BRF1: variants seen among roughly 807,000 people sequenced by gnomAD.
BRF1 encodes transcription factor IIIB 90 kDa subunit.
Under a neutral mutation model 81.7 loss-of-function variants are expected in BRF1, and 59 were observed. That is an observed-to-expected ratio of 0.72 (90% CI 0.59 to 0.90). The LOEUF is 0.90. BRF1 is among the 40% of genes least tolerant of loss of function. The pLI, the probability that BRF1 is intolerant of heterozygous loss-of-function variation, is 0.00. For synonymous variants in BRF1, 491 were observed against 395.6 expected, an observed-to-expected ratio of 1.24 and a Z score of -2.86; for missense variants, 1,050 against 936.3, an observed-to-expected ratio of 1.12 and a Z score of -1.58.
chr14:105,247,208 T>C (rs1368488624), intron 5 of BRF1: 12 of 985,350 alleles, frequency 1.2e-5, no homozygotes, highest in Non-Finnish European at 1.4e-5. Flanking sequence ...ATCCACACAC[T>C]TTCTCTCGGA....
Position 105,210,670 on chromosome 14 carries a change from GC to G in BRF1, c.1997-83del. On this transcript the variant is annotated intron_variant, in intron 17 of 17. Coordinates refer to ENST00000547530, the MANE Select transcript of BRF1 (RefSeq NM_001519.4). The surrounding 1 kb of genome is among the most constrained non-coding windows in gnomAD (Gnocchi z 4.7). The stretch of plus-strand genomic sequence containing the variant: ...CCCCCCAACCCGCCCTGTTCCTGGT[GC>G]CCCCCTAGAAGACTCAGGCTCCAGC... 1.3e-6 allele frequency: 2 copies of G among 1,489,746 alleles called. No homozygotes were observed. The highest frequency in any genetic ancestry group is 9.1e-7 in the Non-Finnish European group (1 of 1,094,794). 92.3% of individuals were successfully genotyped at this position (1,489,746 alleles called of 1,614,324 possible).
At chr14:105,296,970 C>T (rs1378407103) in intron 1 of BRF1, among the ~76,000 whole-genome samples, 1 of 151,766 alleles carries the variant, frequency 6.6e-6, no homozygotes, top group Non-Finnish European at 1.5e-5. Flanking sequence ...CCAGCCTGGC[C>T]AACATGGTGA....
At chr14:105,268,683 G>A (rs182361973) in intron 3 of BRF1, among the ~76,000 whole-genome samples, 4 of 152,324 alleles carry the variant, frequency 2.6e-5, no homozygotes, top group Non-Finnish European at 5.9e-5. Flanking sequence ...TGGACGATAC[G>A]ATAGGAGGAT....
intron 2 of BRF1, among the ~76,000 whole-genome samples, chr14:105,279,737 C>T (rs772806038): frequency 2.6e-5 from 4 of 152,172 alleles, no homozygotes; most frequent in South Asian, 4.1e-4. Flanking sequence ...CTGTGTCCAC[C>T]GAAGGACCAG....
At chr14:105,225,394 G>A (rs1479011997) in intron 10 of BRF1, among the ~76,000 whole-genome samples, 1 of 152,170 alleles carries the variant, frequency 6.6e-6, no homozygotes, top group Non-Finnish European at 1.5e-5. Flanking sequence ...GGCGGGGTCA[G>A]ACACGCCTCA....
chr14:105,271,440 A>G lies in BRF1; in HGVS notation c.439+1281T>C, dbSNP rs2056650628. ...GGCGACGGCAGGGGCGCAGGCTGGGAGGCAGACATGTGGCCGGGCACGCCA... is the reference window on the plus strand; with the variant it reads ...GGCGACGGCAGGGGCGCAGGCTGGGGGGCAGACATGTGGCCGGGCACGCCA... On this transcript the variant is annotated intron_variant, in intron 3 of 17. Coordinates refer to ENST00000547530, the MANE Select transcript of BRF1 (RefSeq NM_001519.4). This position sits in a 1 kb window ranked among gnomAD's most constrained non-coding sequence, Gnocchi z 5.5. Among the ~76,000 whole-genome samples, 1 of 152,238 alleles carries G rather than the reference A, an allele frequency of 6.6e-6. No homozygotes were observed. The highest frequency in any genetic ancestry group is 1.5e-5 in the Non-Finnish European group (1 of 68,032).
intron 3 of BRF1, among the ~76,000 whole-genome samples, chr14:105,258,914 A>G (rs1258472498): frequency 6.6e-6 from 1 of 152,232 alleles, no homozygotes; most frequent in Non-Finnish European, 1.5e-5. Flanking sequence ...AGCACATGAA[A>G]AAGAACTCAA....
At chr14:105,289,300 C>T (rs191208200) in intron 1 of BRF1, among the ~76,000 whole-genome samples, 1 of 152,306 alleles carries the variant, frequency 6.6e-6, no homozygotes, top group Admixed American at 6.5e-5. Context: ...CTGTGATGCA[C>T]CTCTGCACTC....
In BRF1 at chr14:105,314,838, T is replaced by A. The variant is rs970343217; in HGVS notation, c.-162+484A>T. On this transcript the variant is annotated intron_variant, in intron 1 of 17. Coordinates refer to the BRF1 transcript ENST00000327359. ...CAGCCATGTGACCGCGCCGCCGCCC[T>A]CCGCGCGCCCGGCCCGCCCGCCGCG... The A allele has an allele frequency of 3.3e-3, 1,717 of 522,302 alleles. 1 individual carries two copies. Among genetic ancestry groups the A allele is most frequent in the Middle Eastern group, 5.0e-3 (5 of 998 alleles). The allele number at this position is 522,302 out of a possible 1,614,324, so 32.4% of individuals were successfully genotyped here.
chr14:105,212,441 G>T, intron 15 of BRF1: 1 of 432,880 alleles, frequency 2.3e-6, no homozygotes, highest in Non-Finnish European at 4.2e-6. Context: ...CCTTCCAACA[G>T]TGCCTGAGCC....
At position 105,247,885 on chromosome 14, in the gene BRF1, C is replaced by T. The variant is rs73353719; in HGVS notation, c.544+4622G>A. 498 of 985,646 alleles carry T rather than the reference C, an allele frequency of 5.1e-4. 3 individuals are homozygous for T. The African/African-American group carries it at 7.0e-3, about 14-fold the overall frequency. 61.1% of individuals were successfully genotyped at this position (985,646 alleles called of 1,614,324 possible). On this transcript the variant is annotated intron_variant, in intron 5 of 17. Transcript: ENST00000547530. ...TCAGCAAAGCCAGTGCCCCATGCCA[C>T]GCACCTCCCAGGATTAGCCCCAGGC...
Position 105,220,136 on chromosome 14 carries a change from G to A in BRF1, c.1316-6C>T. The A allele has an allele frequency of 6.2e-7, 1 of 1,613,390 alleles. No individual in the cohort carries two copies. Among genetic ancestry groups the A allele is most frequent in the South Asian group, 1.1e-5 (1 of 91,084 alleles). The stretch of plus-strand genomic sequence containing the variant: ...ACCGTCTCCTGAAGCATCTTCTGGA[G>A]GGAAGCACAGCATCCGCGTCACTCA... On this transcript the variant is annotated splice_region_variant and splice_polypyrimidine_tract_variant and intron_variant, in intron 11 of 17. Coordinates refer to ENST00000547530, the MANE Select transcript of BRF1 (RefSeq NM_001519.4).
intron 1 of BRF1, among the ~76,000 whole-genome samples, chr14:105,312,224 AGGAAAGGCCTC>A (rs2058368075): frequency 1.3e-5 from 2 of 152,368 alleles, no homozygotes; most frequent in African/African-American, 4.8e-5. Flanking sequence ...AGGCGGACAG[AGGAAAGGCCTC>A]GGCCCATCCT....
intron 2 of BRF1, among the ~76,000 whole-genome samples, chr14:105,282,542 C>G (rs587599430): frequency 2.0e-5 from 3 of 152,278 alleles, no homozygotes; most frequent in African/African-American, 7.2e-5. Flanking sequence ...AAAACTTCAA[C>G]CAAGGCGGTA....
chr14:105,270,048 C>T (rs587643713), intron 3 of BRF1, among the ~76,000 whole-genome samples: 6 of 152,262 alleles, frequency 3.9e-5, no homozygotes, highest in Non-Finnish European at 7.4e-5. Flanking sequence ...GGGACGCGGG[C>T]GTGGGCTCTG....
At chr14:105,225,600 T>A (rs1252146514) in intron 10 of BRF1, among the ~76,000 whole-genome samples, 1 of 152,024 alleles carries the variant, frequency 6.6e-6, no homozygotes, top group Non-Finnish European at 1.5e-5. Flanking sequence ...ATCTTTGACA[T>A]ATTTTGAAAT....
intron 1 of BRF1, among the ~76,000 whole-genome samples, chr14:105,297,970 T>C (rs936590459): frequency 3.3e-5 from 5 of 152,184 alleles, no homozygotes; most frequent in African/African-American, 7.2e-5. Flanking sequence ...CACTCCAGCA[T>C]GGGCAGCAAA....
intron 2 of BRF1, among the ~76,000 whole-genome samples, chr14:105,282,789 C>T (rs1176603827): frequency 1.1e-4 from 17 of 152,120 alleles, no homozygotes; most frequent in East Asian, 3.9e-4. Flanking sequence ...AAAAATTAGC[C>T]GGGCGTGATG....
chr14:105,314,462 G>GT (rs1434343634), intron 1 of BRF1: 2 of 149,212 alleles, frequency 1.3e-5, no homozygotes, highest in African/African-American at 5.0e-5. Flanking sequence ...CTCCCGGGGG[G>GT]CGGGGCGGGG....
Sources: allele counts gnomAD v4.1 joint callset (sites outside exome capture counted in the v4.1 genomes callset), GRCh38; gene constraint gnomAD v4.1.1; non-coding constraint Gnocchi (gnomAD v3.1); transcripts MANE v1.5; gene names NCBI Gene and HGNC (gene_info 2026-07-23, HGNC 2026-07-21).